GMFG: variants seen among roughly 807,000 people sequenced by gnomAD.
The protein encoded by GMFG is glia maturation factor gamma.
Under a neutral mutation model 26.1 loss-of-function variants are expected in GMFG, and 21 were observed. That is an observed-to-expected ratio of 0.80 (90% CI 0.57 to 1.16). The LOEUF is 1.16. Among genes scored for constraint, GMFG ranks in the 50% most tolerant of loss-of-function variants. The pLI is 0.00. For synonymous variants in GMFG, 65 were observed against 60.8 expected (o/e 1.07, Z -0.32); for missense variants, 161 against 178.3 (o/e 0.90, Z 0.55).
At chr19:39,335,632 C>T (rs879021476) in intron 1 of GMFG, 101 bp from the exon 2 acceptor site, 256 of 844,766 alleles carry the variant, frequency 3.0e-4, no homozygotes, top group South Asian at 2.0e-4. Flanking sequence ...AGCATCGCGC[C>T]GGCCCATCTG....
At chr19:39,334,850 T>G (rs904826789) in intron 3 of GMFG, among the ~76,000 whole-genome samples, 3 of 152,054 alleles carry the variant, frequency 2.0e-5, no homozygotes, top group Non-Finnish European at 2.9e-5. Flanking sequence ...TGTTTTTTTG[T>G]TTTTTGTTTT....
At position 39,335,861 on chromosome 19, in the gene GMFG, C is replaced by T. The variant is rs190607597; in HGVS notation, c.3+113G>A. The T allele has an allele frequency of 2.1e-5, 16 of 777,534 alleles. No homozygotes were observed. The East Asian group carries it at 4.2e-4, about 21-fold the overall frequency. The allele number at this position is 777,534 out of a possible 1,614,324, so 48.2% of individuals were successfully genotyped here. A position where few individuals can be genotyped will look rare whatever the true frequency, so the allele number is the denominator to read the frequency against. On this transcript the variant is annotated intron_variant, in intron 1 of 6. Transcript: ENST00000597595. ...GCCGGGCTGTTCACCACAGTTGGGCCCCCTTCCCGGCCCGTGACCTCCATC... is the reference window on the plus strand; with the variant it reads ...GCCGGGCTGTTCACCACAGTTGGGCTCCCTTCCCGGCCCGTGACCTCCATC...
intron 3 of GMFG, among the ~76,000 whole-genome samples, chr19:39,333,581 CAAAAAAAAAA>C (rs750367671): frequency 1.9e-4 from 9 of 47,350 alleles, no homozygotes; most frequent in African/African-American, 5.5e-4. Flanking sequence ...AACTCCGTCT[CAAAAAAAAAA>C]AAAAAAAAAA....
intron 1 of GMFG, among the ~76,000 whole-genome samples, chr19:39,335,766 G>A (rs1311119986): frequency 6.6e-6 from 1 of 152,110 alleles, no homozygotes; most frequent in Non-Finnish European, 1.5e-5. Flanking sequence ...ACTCTTGGGG[G>A]ACACTCAAGG....
At chr19:39,329,419 G>C in intron 5 of GMFG, 125 bp downstream of exon 5, 1 of 685,824 alleles carries the variant, frequency 1.5e-6, no homozygotes, top group South Asian at 1.6e-5. Flanking sequence ...TCCTCACCCA[G>C]TCACACACAG....
At position 39,335,456 on chromosome 19, in the gene GMFG, T is replaced by C. The variant is rs758080763; in HGVS notation, c.79A>G (p.Thr27Ala). 1.2e-6 allele frequency: 2 copies of C among 1,613,464 alleles called. No homozygotes were observed. Among genetic ancestry groups the C allele is most frequent in the Middle Eastern group, 3.3e-4 (2 of 6,062 alleles). Residue 27 changes from threonine to alanine, a missense_variant, in exon 2 of 7, where the codon ACA (threonine) becomes GCA (alanine). Physicochemically the swap from Thr to Ala is moderately conservative, Grantham distance 58 (BLOSUM62 0). Transcript: ENST00000597595. ...TCACTTATGATGGCTGCATTGTCTG[T>C]CTCTTTTCGGAAGCGGAATTTCCTC... is the stretch of plus-strand genomic sequence containing the variant. The part of the protein sequence containing the change: ...KLRKFRFRKE[T>A]DNAAIIMKVD...
chr19:39,335,544 C>A lies in GMFG; in HGVS notation c.4-13G>T, dbSNP rs544031893. 1 of 1,585,818 alleles carries A rather than the reference C, an allele frequency of 6.3e-7. No homozygotes were observed. Among genetic ancestry groups the A allele is most frequent in the Admixed American group, 1.7e-5 (1 of 59,990 alleles). Reference sequence around the variant, plus strand: ...CCAGGGAGTCAGACTGCCGGAGGGACCCAGGAAGAGCTGAAATGGCCTGGC... The same window carrying A: ...CCAGGGAGTCAGACTGCCGGAGGGAACCAGGAAGAGCTGAAATGGCCTGGC... On this transcript the variant is annotated splice_polypyrimidine_tract_variant and intron_variant, in intron 1 of 6. Coordinates refer to ENST00000597595, the MANE Select transcript of GMFG (RefSeq NM_004877.4).
In GMFG at chr19:39,329,026, G is replaced by A. The variant is rs766093740; in HGVS notation, c.331C>T (p.Leu111=). Residue 111 remains leucine, a synonymous_variant, in exon 6 of 7, where the codon CTG becomes TTG. Coordinates refer to ENST00000597595, the MANE Select transcript of GMFG (RefSeq NM_004877.4). ...TTTGTGAGCTCTGCTGTCTGCACCA[G>A]CCTGTTTTTACTCCCTGCATACATC... ...QMMYAGSKNR[L]VQTAELTKVF... is the part of the protein sequence containing the mutation. 16 of 1,613,326 alleles carry A rather than the reference G, an allele frequency of 9.9e-6. No individual in the cohort carries two copies. In the East Asian group the frequency reaches 3.3e-4, roughly 34 times the overall value.
At chr19:39,328,749 T>A in intron 6 of GMFG, 1 of 608,526 alleles carries the variant, frequency 1.6e-6, no homozygotes. Flanking sequence ...TGTGGTGGCG[T>A]GTGCCTGTCG....
In GMFG at chr19:39,329,044, C is replaced by T. The variant is rs1332565961; in HGVS notation, c.313G>A (p.Ala105Thr). 6.2e-7 allele frequency: 1 copy of T among 1,613,692 alleles called. No individual in the cohort carries two copies. The highest frequency in any genetic ancestry group is 2.2e-5 in the East Asian group (1 of 44,880). Residue 105 changes from alanine (A) to threonine (T), a missense_variant, in exon 6 of 7, where the codon GCA becomes ACA. Transcript: ENST00000597595. ...GCKPEQQMMY[A>T]GSKNRLVQTA... Reference sequence around the variant, plus strand: ...TGCACCAGCCTGTTTTTACTCCCTGCATACATCATCTGTTGTTCCGGCTTG... The same window carrying T: ...TGCACCAGCCTGTTTTTACTCCCTGTATACATCATCTGTTGTTCCGGCTTG...
At chr19:39,335,742 C>CGGA (rs2075247110) in intron 1 of GMFG, among the ~76,000 whole-genome samples, 1 of 152,152 alleles carries the variant, frequency 6.6e-6, no homozygotes, top group South Asian at 2.1e-4. Context: ...TGGGTTCCCG[C>CGGA]CTTCTCCACG....
intron 5 of GMFG, 144 bp from the exon 6 acceptor site, chr19:39,329,217 G>C: frequency 1.6e-6 from 1 of 621,146 alleles, no homozygotes; most frequent in South Asian, 1.9e-5. Flanking sequence ...TCAGTTTCTA[G>C]GTTGGCTTGG....
rs2075245298 is a variant in GMFG at position 39,335,439 on chromosome 19, G to T, written c.96C>A (p.Ile32=). ...RFRKETDNAA[I]IMKVDKDRQM... is the part of the protein sequence containing the mutation. ...GTGGGGGAAGATGTCACTCACTTATGATGGCTGCATTGTCTGTCTCTTTTC... is the reference window on the plus strand; with the variant it reads ...GTGGGGGAAGATGTCACTCACTTATTATGGCTGCATTGTCTGTCTCTTTTC... Residue 32 remains isoleucine, a synonymous_variant, in exon 2 of 7, where the codon ATC becomes ATA. Transcript: ENST00000597595. 4 of 1,611,880 alleles carry T rather than the reference G, an allele frequency of 2.5e-6. No individual in the cohort carries two copies. Among genetic ancestry groups the T allele is most frequent in the Non-Finnish European group, 2.5e-6 (3 of 1,177,972 alleles).
At chr19:39,334,989 A>G (rs1256613248) in intron 3 of GMFG, among the ~76,000 whole-genome samples, 1 of 152,100 alleles carries the variant, frequency 6.6e-6, no homozygotes, top group Non-Finnish European at 1.5e-5. Context: ...AGCTGTGATT[A>G]CAGGTGCCCA....
At chr19:39,330,464 T>TA (rs1174150955) in intron 4 of GMFG, among the ~76,000 whole-genome samples, 5 of 152,196 alleles carry the variant, frequency 3.3e-5, no homozygotes, top group Non-Finnish European at 5.9e-5. Flanking sequence ...GGCCTCACTC[T>TA]GTTGCCCAGG....
chr19:39,330,400 T>C (rs1475964468), intron 4 of GMFG, among the ~76,000 whole-genome samples: 1 of 152,110 alleles, frequency 6.6e-6, no homozygotes. Context: ...CTTTCTTTTG[T>C]AGTCTCTCTC....
At chr19:39,332,955 G>A (rs1363377529) in intron 4 of GMFG, 122 bp downstream of exon 4, 4 of 591,174 alleles carry the variant, frequency 6.8e-6, no homozygotes, top group African/African-American at 2.0e-5. Flanking sequence ...CACCTCACTC[G>A]GCCAAACACA....
intron 3 of GMFG, among the ~76,000 whole-genome samples, chr19:39,334,499 C>T (rs993354152): frequency 1.3e-5 from 2 of 150,646 alleles, no homozygotes; most frequent in Non-Finnish European, 3.0e-5. Context: ...AACTCCTGGG[C>T]TCAAGTGATC....
intron 4 of GMFG, among the ~76,000 whole-genome samples, chr19:39,331,632 A>T (rs2075226682): frequency 6.6e-6 from 1 of 152,178 alleles, no homozygotes; most frequent in Non-Finnish European, 1.5e-5. Flanking sequence ...TTCCTTTAGC[A>T]GGGTGCAGTG....
Sources: allele counts gnomAD v4.1 joint callset (sites outside exome capture counted in the v4.1 genomes callset), GRCh38; gene constraint gnomAD v4.1.1; transcripts MANE v1.5; gene names NCBI Gene and HGNC (gene_info 2026-07-23, HGNC 2026-07-21).